The following ELOVL6 variants were observed in gnomAD, a reference collection of about 807,000 sequenced individuals.
ELOVL6 encodes very long chain fatty acid elongase 6.
A neutral mutation model predicts 31.7 loss-of-function variants in ELOVL6; 8 were observed. The ratio of observed to expected loss-of-function variants is 0.25; its 90% CI spans 0.15 to 0.45. The LOEUF (loss-of-function observed/expected upper bound fraction) is 0.45, where lower values mean the gene tolerates loss of function less well. Among genes scored for constraint, ELOVL6 ranks in the 20% least tolerant of loss-of-function variants. The pLI is 1.00. For missense variants in ELOVL6, 126 were observed against 326.4 expected, an observed-to-expected ratio of 0.39 and a Z score of 4.73; for synonymous variants, 101 against 117.7, an observed-to-expected ratio of 0.86 and a Z score of 0.92.
chr4:110,117,817 G>C (rs1259137248), intron 1 of ELOVL6: 1 of 121,980 alleles, frequency 8.2e-6, no homozygotes, highest in African/African-American at 3.2e-5. Context: ...GGGAGGCGGA[G>C]CTTACAGTGA....
intron 1 of ELOVL6, among the ~76,000 whole-genome samples, chr4:110,110,234 T>G (rs918501727): frequency 6.6e-5 from 10 of 152,094 alleles, no homozygotes; most frequent in African/African-American, 2.4e-4. Flanking sequence ...ATTTAATGTA[T>G]GTCTATGGTG....
intron 1 of ELOVL6, among the ~76,000 whole-genome samples, chr4:110,167,127 C>CACAGTAGCTGAAGATCACAGGGTT (rs1758800578): frequency 6.6e-6 from 1 of 152,210 alleles, no homozygotes; most frequent in Non-Finnish European, 1.5e-5. Flanking sequence ...TCTGAATGCA[C>CACAGTAGCTGAAGATCACAGGGTT]ACAGTAGCTG....
intron 3 of ELOVL6, among the ~76,000 whole-genome samples, chr4:110,056,571 T>C (rs1754993220): frequency 6.6e-6 from 1 of 152,174 alleles, no homozygotes; most frequent in South Asian, 2.1e-4. Flanking sequence ...ATGAAAATTA[T>C]CTCTATAAAG....
intron 1 of ELOVL6, among the ~76,000 whole-genome samples, chr4:110,171,035 C>A (rs1430628408): frequency 6.6e-6 from 1 of 152,090 alleles, no homozygotes; most frequent in African/African-American, 2.4e-5. Flanking sequence ...TTGCCCCTTA[C>A]CCTGGAGGAA....
At chr4:110,068,241 T>C (rs189328960) in intron 2 of ELOVL6, among the ~76,000 whole-genome samples, 190 of 151,438 alleles carry the variant, frequency 1.3e-3, no homozygotes, top group Middle Eastern at 3.5e-3. Context: ...GCATTCTGTA[T>C]CTAAAATGGT....
At chr4:110,155,498 C>T (rs1264096336) in intron 1 of ELOVL6, among the ~76,000 whole-genome samples, 1 of 152,060 alleles carries the variant, frequency 6.6e-6, no homozygotes, top group Non-Finnish European at 1.5e-5. Flanking sequence ...GAATATTTTA[C>T]AAAATCAAAG....
At chr4:110,166,187 T>G (rs562638974) in intron 1 of ELOVL6, among the ~76,000 whole-genome samples, 6 of 152,226 alleles carry the variant, frequency 3.9e-5, no homozygotes, top group Non-Finnish European at 8.8e-5. Context: ...GACTGCAGTG[T>G]TCTTTGACAT....
At chr4:110,060,449 G>A (rs1755104642) in intron 2 of ELOVL6, among the ~76,000 whole-genome samples, 2 of 152,118 alleles carry the variant, frequency 1.3e-5, no homozygotes, top group South Asian at 4.1e-4. Context: ...GTTCTTCAAT[G>A]CCCCGCAATG....
chr4:110,083,999 TATGCC>T lies in ELOVL6; in HGVS notation c.221+21493_221+21497del, dbSNP rs367647840. ...CATATGCCATATACGATATATAACA[TATGCC>T]ATATATGGTATATAACATATGCCAT... On this transcript the variant is annotated intron_variant, in intron 2 of 3. Transcript: ENST00000302274. Among the ~76,000 whole-genome samples, 859 of 86,406 alleles carry T rather than the reference TATGCC, an allele frequency of 9.9e-3. 2 individuals carry two copies. Among genetic ancestry groups the T allele is most frequent in the Non-Finnish European group, 0.012 (561 of 47,362 alleles). The allele number at this position is 86,406 out of a possible 152,430, so 56.7% of individuals were successfully genotyped here.
chr4:110,115,563 G>T (rs1229964682), intron 1 of ELOVL6, among the ~76,000 whole-genome samples: 1 of 152,088 alleles, frequency 6.6e-6, no homozygotes, highest in African/African-American at 2.4e-5. Flanking sequence ...GGGTAATATG[G>T]TGAGAACCTG....
At chr4:110,196,912 C>A (rs1286643975) in intron 1 of ELOVL6, among the ~76,000 whole-genome samples, 1 of 152,156 alleles carries the variant, frequency 6.6e-6, no homozygotes, top group East Asian at 1.9e-4. Context: ...GGCGGCCGGG[C>A]CTCCCGACAC....
chr4:110,178,241 T>A (rs994243630), intron 1 of ELOVL6, among the ~76,000 whole-genome samples: 1 of 137,806 alleles, frequency 7.3e-6, no homozygotes, highest in African/African-American at 2.9e-5. Flanking sequence ...AAAACTATGA[T>A]AATATTTTTG....
intron 1 of ELOVL6, among the ~76,000 whole-genome samples, chr4:110,176,773 T>A (rs1174762818): frequency 6.6e-6 from 1 of 152,234 alleles, no homozygotes; most frequent in African/African-American, 2.4e-5. Context: ...GTTTCATTCT[T>A]GTTGCCCAGG....
At chr4:110,171,514 G>C (rs912091156) in intron 1 of ELOVL6, among the ~76,000 whole-genome samples, 1 of 151,770 alleles carries the variant, frequency 6.6e-6, no homozygotes, top group African/African-American at 2.4e-5. Context: ...CCTACACAAT[G>C]AAGTCTCCAT....
intron 3 of ELOVL6, among the ~76,000 whole-genome samples, chr4:110,053,863 C>T (rs996828894): frequency 2.6e-5 from 4 of 151,612 alleles, no homozygotes; most frequent in Admixed American, 6.6e-5. Context: ...GGCATGAACC[C>T]GGGAGGTGGA....
intron 3 of ELOVL6, among the ~76,000 whole-genome samples, chr4:110,053,269 A>G (rs1754883651): frequency 6.6e-6 from 1 of 152,126 alleles, no homozygotes; most frequent in Non-Finnish European, 1.5e-5. Context: ...AACAAAACAA[A>G]ACAAAACAAA....
chr4:110,141,606 C>T (rs922329358), intron 1 of ELOVL6, among the ~76,000 whole-genome samples: 1 of 151,200 alleles, frequency 6.6e-6, no homozygotes, highest in African/African-American at 2.4e-5. Context: ...TCACTGAGAT[C>T]ATGCAGAAGT....
chr4:110,110,456 G>A (rs1014501532), intron 1 of ELOVL6, among the ~76,000 whole-genome samples: 2 of 146,550 alleles, frequency 1.4e-5, no homozygotes, highest in Non-Finnish European at 3.0e-5. Flanking sequence ...CATCTAGGCT[G>A]GAGCGTAGTG....
At chr4:110,143,855 A>T (rs949067340) in intron 1 of ELOVL6, among the ~76,000 whole-genome samples, 20 of 152,150 alleles carry the variant, frequency 1.3e-4, no homozygotes, top group African/African-American at 4.8e-4. Flanking sequence ...CTGGAGTTCA[A>T]GACCAGCCTG....
Sources: allele counts gnomAD v4.1 joint callset (sites outside exome capture counted in the v4.1 genomes callset), GRCh38; gene constraint gnomAD v4.1.1; transcripts MANE v1.5; gene names NCBI Gene and HGNC (gene_info 2026-07-23, HGNC 2026-07-21).